MICAL3: variants seen among roughly 807,000 people sequenced by gnomAD.
The protein encoded by MICAL3 is [F-actin]-monooxygenase MICAL3.
MICAL3 carries 62 observed loss-of-function variants against 207.4 expected under a neutral mutation model. The observed-to-expected ratio is 0.30, with a 90% confidence interval of 0.24 to 0.37. The LOEUF (loss-of-function observed/expected upper bound fraction) is 0.37. Ranked by LOEUF, MICAL3 falls within the 10% of genes least tolerant of loss-of-function variation. The pLI, the probability that MICAL3 is intolerant of heterozygous loss-of-function variation, is 1.00. For synonymous variants in MICAL3, 1,077 were observed against 1,069.3 expected, an observed-to-expected ratio of 1.01 and a Z score of -0.14; for missense variants, 2,368 against 2,635.6, an observed-to-expected ratio of 0.90 and a Z score of 2.22.
At chr22:17,879,569 T>C (rs1278858988) in intron 16 of MICAL3, among the ~76,000 whole-genome samples, 4 of 152,172 alleles carry the variant, frequency 2.6e-5, no homozygotes, top group Non-Finnish European at 5.9e-5. Flanking sequence ...TCAAATCCCA[T>C]GACACAAGGC....
Position 17,790,506 on chromosome 22 carries a change from G to A in MICAL3, c.*226C>T, listed in dbSNP as rs2061815124. The A allele has an allele frequency of 7.0e-6, 4 of 570,706 alleles. No individual in the cohort carries two copies. Among genetic ancestry groups the A allele is most frequent in the African/African-American group, 3.7e-5 (2 of 53,578 alleles). The allele number at this position is 570,706 out of a possible 1,614,324, so 35.4% of individuals were successfully genotyped here. Reference sequence around the variant, plus strand: ...CGCCGTGCTGCTCCTCTGAGTGGGAGGTCCAGGTGGGCCTCCTCCCAGGAG... The same window carrying A: ...CGCCGTGCTGCTCCTCTGAGTGGGAAGTCCAGGTGGGCCTCCTCCCAGGAG... On this transcript the variant is annotated 3_prime_UTR_variant, in exon 32 of 32. Transcript: ENST00000441493.
At chr22:17,873,617 T>A (rs904047756) in intron 16 of MICAL3, among the ~76,000 whole-genome samples, 1 of 151,934 alleles carries the variant, frequency 6.6e-6, no homozygotes, top group Admixed American at 6.5e-5. Context: ...CCCAGGAAGG[T>A]GGGAATGTGT....
intron 1 of MICAL3, among the ~76,000 whole-genome samples, chr22:17,969,938 C>T (rs1470226331): frequency 6.6e-6 from 1 of 152,164 alleles, no homozygotes; most frequent in Non-Finnish European, 1.5e-5. Context: ...GTCACGTCCA[C>T]GAAAGCACTG....
Position 17,874,203 on chromosome 22 carries a change from C to T in MICAL3, c.2242-2180G>A, listed in dbSNP as rs1047132345. The stretch of plus-strand genomic sequence containing the variant: ...AAAATAAGATTCCCAAGGATTGGTG[C>T]CATTTGCCCATTAACTTCACAGATT... On this transcript the variant is annotated intron_variant, in intron 16 of 31. Transcript: ENST00000441493. Among the ~76,000 whole-genome samples the T allele has an allele frequency of 3.7e-4, 56 of 152,192 alleles. 3 individuals carry two copies. The highest frequency in any genetic ancestry group is 1.5e-5 in the Non-Finnish European group (1 of 68,030).
chr22:17,856,089 C>T (rs1925855107), intron 19 of MICAL3, among the ~76,000 whole-genome samples: 1 of 152,250 alleles, frequency 6.6e-6, no homozygotes, highest in Non-Finnish European at 1.5e-5. Context: ...CTGCTCAGGG[C>T]CTGTGCACAG....
At chr22:17,811,080 C>T (rs1458515134) in intron 27 of MICAL3, 11 of 419,320 alleles carry the variant, frequency 2.6e-5, no homozygotes, top group Non-Finnish European at 3.5e-5. Flanking sequence ...AGACATTTCC[C>T]CACCTCTGCA....
chr22:17,990,438 C>A (rs5992950), intron 1 of MICAL3, among the ~76,000 whole-genome samples: 1 of 152,180 alleles, frequency 6.6e-6, no homozygotes, highest in Non-Finnish European at 1.5e-5. Flanking sequence ...CCAGCTGATG[C>A]GTGGGGTGCT....
chr22:18,022,747 G>A (rs1296495829), intron 1 of MICAL3, among the ~76,000 whole-genome samples: 3 of 152,086 alleles, frequency 2.0e-5, no homozygotes. Context: ...TGCTTTCTAA[G>A]TGTCCATTCT....
At chr22:17,830,971 G>A (rs1206602098) in intron 21 of MICAL3, among the ~76,000 whole-genome samples, 1 of 152,230 alleles carries the variant, frequency 6.6e-6, no homozygotes, top group Non-Finnish European at 1.5e-5. Context: ...ACCCCCGGAT[G>A]GGACTGGGCA....
chr22:17,964,105 C>T lies in MICAL3; in HGVS notation c.-74-57219G>A, dbSNP rs1935041847. ...TTGGTTTGCTTCCTAATCTCAGTCT[C>T]CAGGACATTACAAACAAAGGATTCA... On this transcript the variant is annotated intron_variant, in intron 1 of 31. Transcript: ENST00000441493. Among the ~76,000 whole-genome samples, 3 of 152,176 alleles carry T rather than the reference C, an allele frequency of 2.0e-5. No homozygotes were observed. The South Asian group carries it at 6.2e-4, about 32-fold the overall frequency.
intron 19 of MICAL3, chr22:17,863,794 C>G (rs764382735): frequency 2.5e-5 from 25 of 985,364 alleles, no homozygotes; most frequent in Non-Finnish European, 2.8e-5. Flanking sequence ...CTGGGAACCT[C>G]TCGTTGAAGG....
chr22:17,894,463 A>G (rs183104369), intron 10 of MICAL3, among the ~76,000 whole-genome samples: 21 of 152,018 alleles, frequency 1.4e-4, no homozygotes, highest in Non-Finnish European at 5.9e-5. Flanking sequence ...GGTCCCTCTA[A>G]GAGTCTCGGT....
chr22:18,016,917 G>T (rs1259248542), intron 1 of MICAL3, among the ~76,000 whole-genome samples: 2 of 151,300 alleles, frequency 1.3e-5, no homozygotes, highest in Non-Finnish European at 2.9e-5. Flanking sequence ...TCCGGCCTGG[G>T]TGACAGAGCC....
chr22:17,958,031 C>T (rs1934717238), intron 1 of MICAL3, among the ~76,000 whole-genome samples: 1 of 152,188 alleles, frequency 6.6e-6, no homozygotes, highest in African/African-American at 2.4e-5. Flanking sequence ...TAACTGAAAT[C>T]TTAGGAAAAA....
At chr22:17,948,205 C>T (rs184967225) in intron 1 of MICAL3, among the ~76,000 whole-genome samples, 1 of 152,350 alleles carries the variant, frequency 6.6e-6, no homozygotes, top group Non-Finnish European at 1.5e-5. Context: ...CCGGCGTGGC[C>T]TTACTCCCTC....
At chr22:17,836,160 T>G (rs142529960) in intron 20 of MICAL3, among the ~76,000 whole-genome samples, 1 of 152,334 alleles carries the variant, frequency 6.6e-6, no homozygotes, top group Non-Finnish European at 1.5e-5. Context: ...AACAGGCACA[T>G]GCACTTGATT....
intron 1 of MICAL3, among the ~76,000 whole-genome samples, chr22:17,911,114 C>T (rs1006843966): frequency 6.6e-6 from 1 of 152,242 alleles, no homozygotes; most frequent in African/African-American, 2.4e-5. Context: ...CAGCAGCTGA[C>T]TGCTGACTCA....
intron 1 of MICAL3, among the ~76,000 whole-genome samples, chr22:17,996,879 C>T (rs1922341455): frequency 6.6e-6 from 1 of 152,132 alleles, no homozygotes; most frequent in South Asian, 2.1e-4. Context: ...ATTCACCGCA[C>T]AGACTTTAGC....
At chr22:18,022,343 T>A (rs932776203) in intron 1 of MICAL3, among the ~76,000 whole-genome samples, 6 of 152,162 alleles carry the variant, frequency 3.9e-5, no homozygotes, top group African/African-American at 1.4e-4. Flanking sequence ...CTGAGAAGGA[T>A]AATAACACTT....
Sources: allele counts gnomAD v4.1 joint callset (sites outside exome capture counted in the v4.1 genomes callset), GRCh38; gene constraint gnomAD v4.1.1; transcripts MANE v1.5; gene names NCBI Gene and HGNC (gene_info 2026-07-23, HGNC 2026-07-21).